The following FAM133B variants were observed in gnomAD, a reference collection of about 807,000 sequenced individuals.
FAM133B encodes the protein family with sequence similarity 133 member B, also known as protein FAM133B.
In FAM133B, 25 loss-of-function variants were observed where a neutral mutation model predicts 46.4. That is an observed-to-expected ratio of 0.54 (90% CI 0.39 to 0.75). The LOEUF (loss-of-function observed/expected upper bound fraction) is 0.75, where lower values mean the gene tolerates loss of function less well. Ranked by LOEUF, FAM133B falls within the 30% of genes least tolerant of loss-of-function variation. The probability of loss-of-function intolerance (pLI) is 0.00; values close to 1 mark genes in which losing one functional copy is unlikely to be tolerated. For synonymous variants in FAM133B, 75 were observed against 86.0 expected (o/e 0.87, Z 0.71); for missense variants, 205 against 277.6 (o/e 0.74, Z 1.86).
At chr7:92,565,435 T>C in intron 10 of FAM133B, 1 of 151,874 alleles carries the variant, frequency 6.6e-6, no homozygotes, top group Non-Finnish European at 1.5e-5. Context: ...ATTACAGGCG[T>C]GAGCCACTGT....
At chr7:92,588,603 T>A (rs979174546) in intron 1 of FAM133B, among the ~76,000 whole-genome samples, 3 of 152,070 alleles carry the variant, frequency 2.0e-5, no homozygotes, top group Admixed American at 6.6e-5. Context: ...AACTACAAAG[T>A]TTTTAAGATG....
intron 8 of FAM133B, among the ~76,000 whole-genome samples, chr7:92,574,244 T>C (rs184011564): frequency 3.4e-3 from 513 of 152,246 alleles, no homozygotes; most frequent in Non-Finnish European, 6.1e-3. Flanking sequence ...TACTTAGCCA[T>C]ACAAAAAACC....
At chr7:92,565,806 G>A in intron 10 of FAM133B, 1 of 585,778 alleles carries the variant, frequency 1.7e-6, no homozygotes, top group African/African-American at 1.9e-5. Context: ...ATGGAAACAG[G>A]ACATGCTTGC....
At chr7:92,584,710 G>A (rs778515063) in intron 1 of FAM133B, among the ~76,000 whole-genome samples, 2 of 152,166 alleles carry the variant, frequency 1.3e-5, no homozygotes, top group Non-Finnish European at 2.9e-5. Context: ...TAAGCATTTC[G>A]ATTAGTTGGT....
rs1795158579 is a variant in FAM133B, at chr7:92,590,171, C to T, written c.24+97G>A. 1.9e-6 allele frequency: 3 copies of T among 1,589,900 alleles called. No individual in the cohort carries two copies. The African/African-American group carries it at 4.0e-5, about 21-fold the overall frequency. On this transcript the variant is annotated intron_variant, in intron 1 of 10. Transcript: ENST00000445716. ...CTCCAGGCCCCACGTCTGAGGGCTGCCGCTTGCCCTCCGGCCCGGCCGGGA... is the reference window on the plus strand; with the variant it reads ...CTCCAGGCCCCACGTCTGAGGGCTGTCGCTTGCCCTCCGGCCCGGCCGGGA...
intron 3 of FAM133B, among the ~76,000 whole-genome samples, chr7:92,578,825 C>T (rs989156982): frequency 6.6e-5 from 10 of 152,004 alleles, no homozygotes; most frequent in African/African-American, 2.2e-4. Context: ...GTGGGAAGAT[C>T]GCTTGAGCTC....
At chr7:92,564,964 AT>A (rs1382891427) in intron 10 of FAM133B, among the ~76,000 whole-genome samples, 1 of 152,086 alleles carries the variant, frequency 6.6e-6, no homozygotes, top group Non-Finnish European at 1.5e-5. Flanking sequence ...TTAATGAGTC[AT>A]TTATGTTGTC....
chr7:92,579,289 AT>A, intron 3 of FAM133B, 27 bp downstream of exon 3: 1 of 1,592,046 alleles, frequency 6.3e-7, no homozygotes, highest in Non-Finnish European at 8.6e-7. Context: ...AAATTAGTCT[AT>A]TTTTTTAACA....
chr7:92,578,203 A>G, intron 4 of FAM133B, 21 bp from the exon 5 acceptor site: 1 of 1,611,432 alleles, frequency 6.2e-7, no homozygotes, highest in Non-Finnish European at 8.5e-7. Flanking sequence ...ACAAAAGTAC[A>G]AGTCTAAATA....
chr7:92,571,373 T>C (rs1794525523), intron 8 of FAM133B, among the ~76,000 whole-genome samples: 1 of 152,218 alleles, frequency 6.6e-6, no homozygotes, highest in African/African-American at 2.4e-5. Context: ...TTTTTCCTTA[T>C]TAAAGATCAT....
At chr7:92,567,864 A>G (rs992780170) in intron 9 of FAM133B, among the ~76,000 whole-genome samples, 2 of 151,896 alleles carry the variant, frequency 1.3e-5, no homozygotes, top group Admixed American at 6.6e-5. Context: ...TTCCGGTTCA[A>G]GCGATTCTCC....
chr7:92,575,121 T>G (rs1219881528), intron 8 of FAM133B, among the ~76,000 whole-genome samples: 2 of 152,172 alleles, frequency 1.3e-5, no homozygotes, highest in Non-Finnish European at 2.9e-5. Flanking sequence ...AGTAAGAAGA[T>G]TTTTCAATAT....
Position 92,562,259 on chromosome 7 carries a change from G to T in FAM133B, c.*23C>A. On this transcript the variant is annotated 3_prime_UTR_variant, in exon 11 of 11. Transcript: ENST00000445716. Reference sequence around the variant, plus strand: ...CTCAGACATTGCACTTTCTTTATAAGGGAATCCTGATTTTTCTTAATGTTA... The same window carrying T: ...CTCAGACATTGCACTTTCTTTATAATGGAATCCTGATTTTTCTTAATGTTA... 1.3e-6 allele frequency: 2 copies of T among 1,517,720 alleles called. No homozygotes were observed. The highest frequency in any genetic ancestry group is 1.3e-5 in the South Asian group (1 of 78,920). 94.0% of individuals were successfully genotyped at this position (1,517,720 alleles called of 1,614,324 possible). A position where few individuals can be genotyped will look rare whatever the true frequency, so the allele number is the denominator to read the frequency against.
chr7:92,588,301 G>A (rs927554833), intron 1 of FAM133B, among the ~76,000 whole-genome samples: 4 of 152,144 alleles, frequency 2.6e-5, no homozygotes, highest in Admixed American at 6.5e-5. Flanking sequence ...CAACCAAAAC[G>A]TTTTTTCAGT....
At chr7:92,582,408 A>G (rs1458129875) in intron 1 of FAM133B, among the ~76,000 whole-genome samples, 1 of 152,212 alleles carries the variant, frequency 6.6e-6, no homozygotes, top group Non-Finnish European at 1.5e-5. Context: ...CTTGTCTCCC[A>G]CGAAATACTA....
intron 9 of FAM133B, among the ~76,000 whole-genome samples, chr7:92,566,276 G>A (rs769551351): frequency 2.0e-5 from 3 of 152,146 alleles, no homozygotes; most frequent in Admixed American, 6.5e-5. Context: ...TCTCTAGACA[G>A]CTTCTCTTAT....
chr7:92,575,724 A>G (rs750398425), intron 8 of FAM133B, 47 bp downstream of exon 8: 45 of 914,708 alleles, frequency 4.9e-5, no homozygotes, highest in Non-Finnish European at 3.2e-5. Context: ...AAGTCAATTA[A>G]GTATTATATG....
intron 9 of FAM133B, among the ~76,000 whole-genome samples, chr7:92,566,287 A>T (rs1331289842): frequency 2.0e-5 from 3 of 152,178 alleles, no homozygotes; most frequent in Admixed American, 2.0e-4. Context: ...CTTCTCTTAT[A>T]TTCCCTTTCA....
At chr7:92,563,103 A>T (rs1794209267) in intron 10 of FAM133B, among the ~76,000 whole-genome samples, 1 of 152,202 alleles carries the variant, frequency 6.6e-6, no homozygotes, top group South Asian at 2.1e-4. Flanking sequence ...AGGTGGTACC[A>T]AATGAGAGAC....
Sources: allele counts gnomAD v4.1 joint callset (sites outside exome capture counted in the v4.1 genomes callset), GRCh38; gene constraint gnomAD v4.1.1; transcripts MANE v1.5; gene names NCBI Gene and HGNC (gene_info 2026-07-23, HGNC 2026-07-21).